The following RSAD1 variants were observed in gnomAD, a reference collection of about 807,000 sequenced individuals.
RSAD1 encodes the protein radical S-adenosyl methionine domain-containing protein 1, mitochondrial.
In RSAD1, 34 loss-of-function variants were observed where a neutral mutation model predicts 46.2. The observed-to-expected ratio is 0.74, with a 90% CI of 0.56 to 0.98. RSAD1 has a LOEUF of 0.98. Ranked by LOEUF, RSAD1 falls within the 50% of genes least tolerant of loss-of-function variation. The probability of loss-of-function intolerance (pLI) is 0.00; values close to 1 mark genes in which losing one functional copy is unlikely to be tolerated. For missense variants in RSAD1, 635 were observed against 592.3 expected (o/e 1.07, Z -0.75); for synonymous variants, 260 against 253.5 (o/e 1.03, Z -0.24).
intron 1 of RSAD1, chr17:50,479,251 A>G (rs1193828925): frequency 2.0e-6 from 1 of 505,168 alleles, no homozygotes; most frequent in Non-Finnish European, 3.3e-6. Context: ...AAATGGTTCA[A>G]ATTTCATAAC....
Position 50,481,813 on chromosome 17 carries a change from A to G in RSAD1, c.475-278A>G, listed in dbSNP as rs190092752. ...AACTTTGCAACTGTATGGCCTGGACAAGTTACTTAACACCTCTGAACCTCA... is the reference window on the plus strand; with the variant it reads ...AACTTTGCAACTGTATGGCCTGGACGAGTTACTTAACACCTCTGAACCTCA... On this transcript the variant is annotated intron_variant, in intron 3 of 8. Coordinates refer to ENST00000258955, the MANE Select transcript of RSAD1 (RefSeq NM_018346.3). Among the ~76,000 whole-genome samples, 181 of 152,362 alleles carry G rather than the reference A, an allele frequency of 1.2e-3. 1 individual carries two copies. The highest frequency in any genetic ancestry group is 9.6e-4 in the Non-Finnish European group (65 of 68,036).
At chr17:50,484,377 A>AC in intron 7 of RSAD1, 65 bp from the exon 8 acceptor site, 6 of 1,449,758 alleles carry the variant, frequency 4.1e-6, no homozygotes, top group Non-Finnish European at 5.7e-6. Flanking sequence ...CTCTCACCAT[A>AC]CCCCAACTAT....
Position 50,482,721 on chromosome 17 carries a change from C to T in RSAD1, c.904+15C>T. Reference sequence around the variant, plus strand: ...CGTTGGGCCTGGTGAGTCCCGTGAACTACAGAAAGGGTGACTCAGGAGAGG... The same window carrying T: ...CGTTGGGCCTGGTGAGTCCCGTGAATTACAGAAAGGGTGACTCAGGAGAGG... On this transcript the variant is annotated intron_variant, in intron 5 of 8. Transcript: ENST00000258955. 1 of 1,612,162 alleles carries T rather than the reference C, an allele frequency of 6.2e-7. No individual in the cohort carries two copies. The highest frequency in any genetic ancestry group is 1.1e-5 in the South Asian group (1 of 90,870).
intron 3 of RSAD1, among the ~76,000 whole-genome samples, chr17:50,481,368 A>T (rs563487153): frequency 1.1e-3 from 169 of 152,392 alleles, no homozygotes; most frequent in Middle Eastern, 3.4e-3. Context: ...TTTAGGAAAT[A>T]CACACCTAAG....
intron 7 of RSAD1, 45 bp downstream of exon 7, chr17:50,483,805 G>T: frequency 6.4e-7 from 1 of 1,558,440 alleles, no homozygotes; most frequent in Non-Finnish European, 8.7e-7. Flanking sequence ...CTAAAGTCTT[G>T]CAGAATCAAT....
chr17:50,481,848 T>G (rs1278977860), intron 3 of RSAD1, among the ~76,000 whole-genome samples: 1 of 152,218 alleles, frequency 6.6e-6, no homozygotes, highest in Admixed American at 6.5e-5. Flanking sequence ...AGTTTTCTCA[T>G]CTGTAAAATA....
In RSAD1 at chr17:50,485,157, G is replaced by A. The variant is rs2033437853; in HGVS notation, c.*296G>A. The A allele has an allele frequency of 2.2e-5, 9 of 417,122 alleles. No homozygotes were observed. The South Asian group carries it at 4.5e-4, about 21-fold the overall frequency. 25.8% of individuals were successfully genotyped at this position (417,122 alleles called of 1,614,324 possible). A position where few individuals can be genotyped will look rare whatever the true frequency, so the allele number is the denominator to read the frequency against. On this transcript the variant is annotated 3_prime_UTR_variant, in exon 9 of 9. Transcript: ENST00000258955. ...CCTTTTTGGCATCAAATAATGAACA[G>A]TGTTTGGAAATCTTTCTACAGGCAA...
At chr17:50,479,826 G>A in intron 2 of RSAD1, 54 bp from the exon 3 acceptor site, 1 of 1,591,446 alleles carries the variant, frequency 6.3e-7, no homozygotes, top group Non-Finnish European at 8.6e-7. Context: ...GGGGATAGGT[G>A]CAGGCATCCC....
chr17:50,483,242 A>G (rs2033406413), intron 5 of RSAD1, 98 bp from the exon 6 acceptor site: 1 of 1,022,896 alleles, frequency 9.8e-7, no homozygotes, highest in East Asian at 2.9e-5. Context: ...TATTTCCAGT[A>G]TGTTAGAGGC....
rs746459520 is a variant in RSAD1, at chr17:50,483,477, AGGCTGGAGCTGTG to A, written c.1043_1052+3del. The A allele has an allele frequency of 1.7e-5, 27 of 1,612,892 alleles. No individual in the cohort carries two copies. Among genetic ancestry groups the A allele is most frequent in the Non-Finnish European group, 2.3e-5 (27 of 1,179,534 alleles). ...CACCCGGAAGCGTGTCCCCCTGGGC[AGGCTGGAGCTGTG>A]AGCATCCAAGGGCACAGGGCTCTCC... On this transcript the variant is annotated splice_donor_variant and splice_donor_region_variant and coding_sequence_variant and intron_variant, in exon 6 of 9. Coordinates refer to ENST00000258955, the MANE Select transcript of RSAD1 (RefSeq NM_018346.3). LOFTEE classifies it high-confidence loss of function.
intron 6 of RSAD1, 35 bp from the exon 7 acceptor site, chr17:50,483,671 T>TCC (rs1306822478): frequency 1.2e-6 from 2 of 1,612,976 alleles, no homozygotes; most frequent in African/African-American, 2.7e-5. Flanking sequence ...AGCACAGGCC[T>TCC]CCTCTCTAAG....
In RSAD1 at chr17:50,478,966, G is replaced by A. The variant is rs980406504; in HGVS notation, c.82G>A (p.Gly28Arg). 2.1e-6 allele frequency: 3 copies of A among 1,404,260 alleles called. No individual in the cohort carries two copies. The highest frequency in any genetic ancestry group is 1.5e-5 in the African/African-American group (1 of 66,514). The allele number at this position is 1,404,260 out of a possible 1,614,324, so 87.0% of individuals were successfully genotyped here. Reference sequence around the variant, plus strand: ...GAGGCGCCGCCGCGTGGAGAACGCAGGAGGGTCCCCGAGTCCTGAGCCTGC... The same window carrying A: ...GAGGCGCCGCCGCGTGGAGAACGCAAGAGGGTCCCCGAGTCCTGAGCCTGC... ...AQRRRRVENAGGSPSPEPAGR... is the reference protein window; with the variant it reads ...AQRRRRVENARGSPSPEPAGR... The change falls in exon 1 of 9, where the codon GGA (glycine) becomes AGA (arginine). Residue 28 changes from glycine (G) to arginine (R), a missense_variant. Physicochemically the swap from Gly to Arg is moderately radical, Grantham distance 125. Coordinates refer to ENST00000258955, the MANE Select transcript of RSAD1 (RefSeq NM_018346.3).
chr17:50,482,468 G>T lies in RSAD1; in HGVS notation c.840+12G>T. On this transcript the variant is annotated intron_variant, in intron 4 of 8. Coordinates refer to ENST00000258955, the MANE Select transcript of RSAD1 (RefSeq NM_018346.3). ...ACTTTGCCCGGAATGTAAGTTCTGG[G>T]GCTGATGGCTGGAGGTGGAGGATGG... 6.3e-7 allele frequency: 1 copy of T among 1,596,202 alleles called. No homozygotes were observed. Among genetic ancestry groups the T allele is most frequent in the Admixed American group, 1.7e-5 (1 of 59,000 alleles).
At chr17:50,479,808 G>T (rs761059445) in intron 2 of RSAD1, 46 bp downstream of exon 2, 42 of 1,589,294 alleles carry the variant, frequency 2.6e-5, no homozygotes, top group South Asian at 1.5e-4. Flanking sequence ...ATATTTGGAG[G>T]AGTGGTGGGG....
intron 1 of RSAD1, 141 bp from the exon 2 acceptor site, chr17:50,479,488 G>A (rs2033351737): frequency 2.0e-6 from 2 of 1,017,008 alleles, no homozygotes; most frequent in Non-Finnish European, 2.9e-6. Flanking sequence ...ACCTGCCTTG[G>A]GGAGTTGTGT....
At chr17:50,480,180 C>A in intron 3 of RSAD1, 96 bp downstream of exon 3, 1 of 1,322,080 alleles carries the variant, frequency 7.6e-7, no homozygotes, top group Non-Finnish European at 1.1e-6. Flanking sequence ...ATTGATTGAG[C>A]ACCTTCTGGG....
intron 7 of RSAD1, 195 bp downstream of exon 7, chr17:50,483,955 A>G: frequency 1.8e-6 from 1 of 565,502 alleles, no homozygotes; most frequent in East Asian, 3.1e-5. Context: ...ACCCTAGACC[A>G]GGGCTGCAGA....
At chr17:50,484,344 T>C in intron 7 of RSAD1, 98 bp from the exon 8 acceptor site, 1 of 1,025,294 alleles carries the variant, frequency 9.8e-7, no homozygotes, top group Non-Finnish European at 1.5e-6. Flanking sequence ...GAGATCTCCA[T>C]GCTGAACTGG....
In RSAD1 at chr17:50,484,774, T is replaced by G; in HGVS notation, c.1242T>G (p.Ala414=). 1 of 1,614,050 alleles carries G rather than the reference T, an allele frequency of 6.2e-7. No individual in the cohort carries two copies. Among genetic ancestry groups the G allele is most frequent in the South Asian group, 1.1e-5 (1 of 91,078 alleles). The change falls in exon 9 of 9, where the codon GCT becomes GCG. Residue 414 remains alanine (A), a synonymous_variant. Transcript: ENST00000258955. ...RGLRCSWEGL[A]VLDSLLLTLL... The stretch of plus-strand genomic sequence containing the variant: ...TTCGGTGTTCCTGGGAGGGTCTGGC[T>G]GTGCTGGACTCTCTCTTGCTGACCC...
Sources: allele counts gnomAD v4.1 joint callset (sites outside exome capture counted in the v4.1 genomes callset), GRCh38; gene constraint gnomAD v4.1.1; transcripts MANE v1.5; gene names NCBI Gene and HGNC (gene_info 2026-07-23, HGNC 2026-07-21).